Variants in DOT1L observed in about 807,000 individuals in gnomAD.
DOT1L encodes the protein histone-lysine N-methyltransferase, H3 lysine-79 specific.
In DOT1L, 33 loss-of-function variants were observed where a neutral mutation model predicts 153.3. The observed-to-expected ratio is 0.22, with a 90% CI of 0.16 to 0.29. The LOEUF (loss-of-function observed/expected upper bound fraction) is 0.29. Among genes scored for constraint, DOT1L ranks in the 10% least tolerant of loss-of-function variants. DOT1L has a pLI of 1.00. For missense variants in DOT1L, 1,847 were observed against 2,119.9 expected, an observed-to-expected ratio of 0.87 and a Z score of 2.53; for synonymous variants, 1,135 against 965.1, an observed-to-expected ratio of 1.18 and a Z score of -3.26.
rs2144904098 is a variant in DOT1L at position 2,222,269 on chromosome 19, T to C, written c.3100T>C (p.Phe1034Leu). ...SKGDLPSDSGFSDPESEAKRR... is the reference protein window; with the variant it reads ...SKGDLPSDSGLSDPESEAKRR... ...GGGAGACCTGCCCTCCGATTCCGGC[T>C]TCTCAGATCCTGAGAGTGAAGCCAA... The change falls in exon 24 of 28, where the codon TTC becomes CTC. Residue 1034 changes from phenylalanine to leucine, a missense_variant. Phe to Leu is a conservative substitution (Grantham distance 22, BLOSUM62 0). Around this residue, in one of 8 missense-constraint regions of DOT1L, gnomAD observed 934 missense variants for 825.3 expected, o/e 1.13. Transcript: ENST00000398665. This position sits in a 1 kb window ranked among gnomAD's most constrained non-coding sequence, Gnocchi z 6.5. 6.2e-7 allele frequency: 1 copy of C among 1,613,148 alleles called. No homozygotes were observed. Among genetic ancestry groups the C allele is most frequent in the Non-Finnish European group, 8.5e-7 (1 of 1,179,926 alleles).
At chr19:2,189,681 A>C in intron 3 of DOT1L, 51 bp from the exon 4 acceptor site, 1 of 1,598,986 alleles carries the variant, frequency 6.3e-7, no homozygotes, top group Non-Finnish European at 8.5e-7. Context: ...CCTCCCATGC[A>C]TGCGGCTGGC....
chr19:2,195,383 C>T (rs971238721), intron 7 of DOT1L, among the ~76,000 whole-genome samples: 1 of 152,158 alleles, frequency 6.6e-6, no homozygotes, highest in East Asian at 1.9e-4. Flanking sequence ...CCCAGCTGCT[C>T]AGGCGCTCAC....
In DOT1L at chr19:2,163,996, CAA is replaced by C. The variant is rs1364694267; in HGVS notation, c.-187_-186del. Reference sequence around the variant, plus strand: ...GCTGGAGGCCCCGGGCCTGTGACTACAAAGAGGGAGTCGGGGGCCGGGCCGGA... The same window carrying C: ...GCTGGAGGCCCCGGGCCTGTGACTACAGAGGGAGTCGGGGGCCGGGCCGGA... On this transcript the variant is annotated 5_prime_UTR_variant, in exon 1 of 28. Transcript: ENST00000398665. Among the ~76,000 whole-genome samples, 1 of 149,620 alleles carries C rather than the reference CAA, an allele frequency of 6.7e-6. No individual in the cohort carries two copies. The highest frequency in any genetic ancestry group is 2.4e-5 in the African/African-American group (1 of 41,184).
chr19:2,167,115 G>A (rs972138355), intron 1 of DOT1L, among the ~76,000 whole-genome samples: 5 of 152,174 alleles, frequency 3.3e-5, no homozygotes, highest in African/African-American at 9.7e-5. Flanking sequence ...AGGACTGTGG[G>A]CTGTTTCCAA....
rs2022370677 is a variant in DOT1L, at chr19:2,183,999, T to A, written c.126-1856T>A. 1.3e-5 allele frequency among the ~76,000 whole-genome samples: 2 copies of A among 151,894 alleles called. 1 individual carries two copies. The highest frequency in any genetic ancestry group is 4.1e-4 in the South Asian group (2 of 4,828). On this transcript the variant is annotated intron_variant, in intron 2 of 27. Coordinates refer to ENST00000398665, the MANE Select transcript of DOT1L (RefSeq NM_032482.3). ...TGTAAAGACTGCTCCCTTTTGCCTATCGGCCATGCCCCTGCTGAGCTCTGG... is the reference window on the plus strand; with the variant it reads ...TGTAAAGACTGCTCCCTTTTGCCTAACGGCCATGCCCCTGCTGAGCTCTGG...
chr19:2,165,412 G>T (rs562843712), intron 1 of DOT1L, among the ~76,000 whole-genome samples: 5 of 152,222 alleles, frequency 3.3e-5, no homozygotes, highest in Admixed American at 6.5e-5. Context: ...GAGAGGGAGC[G>T]CAGCTTCCAG....
intron 7 of DOT1L, 55 bp from the exon 8 acceptor site, chr19:2,199,829 G>A: frequency 1.6e-5 from 25 of 1,595,190 alleles, no homozygotes; most frequent in Non-Finnish European, 2.1e-5. Flanking sequence ...GGCTGGGCGG[G>A]CTGGGAGTGC....
At chr19:2,202,969 T>G (rs533677336) in intron 9 of DOT1L, among the ~76,000 whole-genome samples, 190 bp downstream of exon 9, 25 of 152,334 alleles carry the variant, frequency 1.6e-4, no homozygotes, top group Non-Finnish European at 3.2e-4. Context: ...TCACCCAGGC[T>G]GGAGTGTAGT....
chr19:2,213,996 G>A lies in DOT1L; in HGVS notation c.1797+10G>A, dbSNP rs758268274. The A allele has an allele frequency of 7.4e-6, 12 of 1,611,152 alleles. No individual in the cohort carries two copies. Among genetic ancestry groups the A allele is most frequent in the East Asian group, 4.5e-5 (2 of 44,834 alleles). ...CCAGAGCTTGCAGCTGGTGGGTGCCGCGGCGCAAGGACAGGGACGTGGAAC... is the reference window on the plus strand; with the variant it reads ...CCAGAGCTTGCAGCTGGTGGGTGCCACGGCGCAAGGACAGGGACGTGGAAC... On this transcript the variant is annotated intron_variant, in intron 18 of 27. Coordinates refer to ENST00000398665, the MANE Select transcript of DOT1L (RefSeq NM_032482.3).
At chr19:2,178,291 G>A (rs1265964505) in intron 1 of DOT1L, among the ~76,000 whole-genome samples, 3 of 145,960 alleles carry the variant, frequency 2.1e-5, no homozygotes, top group Non-Finnish European at 3.0e-5. Flanking sequence ...GTCTTTGGGA[G>A]GCCAAGGCAG....
In DOT1L at chr19:2,163,984, G is replaced by A. The variant is rs922069215; in HGVS notation, c.-201G>A. Among the ~76,000 whole-genome samples, 6 of 149,752 alleles carry A rather than the reference G, an allele frequency of 4.0e-5. No individual in the cohort carries two copies. Among genetic ancestry groups the A allele is most frequent in the South Asian group, 4.1e-4 (2 of 4,826 alleles). ...GATGGCGGAGGCGCTGGAGGCCCCG[G>A]GCCTGTGACTACAAAGAGGGAGTCG... On this transcript the variant is annotated 5_prime_UTR_variant, in exon 1 of 28. Coordinates refer to ENST00000398665, the MANE Select transcript of DOT1L (RefSeq NM_032482.3).
chr19:2,219,749 A>C (rs2144888657), intron 22 of DOT1L, among the ~76,000 whole-genome samples: 1 of 152,092 alleles, frequency 6.6e-6, no homozygotes, highest in Admixed American at 6.5e-5. Context: ...ACCCCACCCG[A>C]CTGCTGGCAT....
At chr19:2,203,617 T>C (rs2023380699) in intron 9 of DOT1L, among the ~76,000 whole-genome samples, 1 of 152,190 alleles carries the variant, frequency 6.6e-6, no homozygotes, top group Non-Finnish European at 1.5e-5. Flanking sequence ...AGCCCTGGCG[T>C]AGTTTCAGGA....
At position 2,232,380 on chromosome 19, in the gene DOT1L, T is replaced by G. The variant is rs1337055781; in HGVS notation, c.*2588T>G. On this transcript the variant is annotated 3_prime_UTR_variant, in exon 28 of 28. Transcript: ENST00000398665. ...CCTCGCCATCGTGGTCAGACCCCCC[T>G]CCCAACACAACACGCTGCTGGTCTG... The G allele has an allele frequency of 1.2e-5, 1 of 81,508 alleles. No individual in the cohort carries two copies. Among genetic ancestry groups the G allele is most frequent in the African/African-American group, 6.4e-5 (1 of 15,610 alleles). The allele number at this position is 81,508 out of a possible 1,614,324, so 5.0% of individuals were successfully genotyped here.
At chr19:2,166,760 C>T (rs773806713) in intron 1 of DOT1L, among the ~76,000 whole-genome samples, 1 of 152,156 alleles carries the variant, frequency 6.6e-6, no homozygotes, top group Non-Finnish European at 1.5e-5. Context: ...GGGCGTAGTT[C>T]GCTGGTTGCA....
At chr19:2,165,521 G>T (rs2019879961) in intron 1 of DOT1L, among the ~76,000 whole-genome samples, 1 of 152,224 alleles carries the variant, frequency 6.6e-6, no homozygotes, top group South Asian at 2.1e-4. Flanking sequence ...GGCGGCCTGA[G>T]CCGGGATCCC....
chr19:2,178,089 ATT>A (rs879901295), intron 1 of DOT1L, among the ~76,000 whole-genome samples: 2 of 141,780 alleles, frequency 1.4e-5, no homozygotes, highest in Admixed American at 7.1e-5. Context: ...TGCCCAGCTA[ATT>A]TTTTTTTTTT....
intron 18 of DOT1L, 56 bp from the exon 19 acceptor site, chr19:2,214,415 G>C (rs2023827000): frequency 6.3e-7 from 1 of 1,594,766 alleles, no homozygotes; most frequent in Non-Finnish European, 8.6e-7. Flanking sequence ...TGAGAGTGTG[G>C]GGTGTGCTGG....
chr19:2,185,989 C>A, intron 3 of DOT1L, 60 bp downstream of exon 3: 1 of 1,490,880 alleles, frequency 6.7e-7, no homozygotes, highest in Non-Finnish European at 9.3e-7. Flanking sequence ...TTGGGGAGGA[C>A]AGGAGGACGC....
Sources: gnomAD v4.1 joint callset for allele counts (sites outside exome capture counted in the v4.1 genomes callset) on GRCh38, gnomAD v4.1.1 for gene constraint, gnomAD v4.1.1 regional missense constraint, Gnocchi (gnomAD v3.1) non-coding constraint, MANE v1.5 for transcripts, NCBI Gene and HGNC (gene_info 2026-07-23, HGNC 2026-07-21) for gene names.